Variants in MALRD1 observed in about 807,000 individuals in gnomAD.
MALRD1 encodes the protein MAM and LDL-receptor class A domain-containing protein 1.
In MALRD1, 247 loss-of-function variants were observed where a neutral mutation model predicts 242.1. That is an observed-to-expected ratio of 1.02 (90% CI 0.92 to 1.13). The LOEUF (loss-of-function observed/expected upper bound fraction) is 1.13. Ranked by LOEUF, MALRD1 falls within the 50% of genes most tolerant of loss-of-function variation. The pLI is 0.00. For synonymous variants in MALRD1, 995 were observed against 866.6 expected, an observed-to-expected ratio of 1.15 and a Z score of -2.60; for missense variants, 2,989 against 2,533.1, an observed-to-expected ratio of 1.18 and a Z score of -3.86.
chr10:19,630,311 A>C (rs560470166), intron 36 of MALRD1, among the ~76,000 whole-genome samples: 2 of 152,126 alleles, frequency 1.3e-5, no homozygotes, highest in African/African-American at 2.4e-5. Flanking sequence ...ATCTCTTTCA[A>C]ATTTATTGTT....
intron 21 of MALRD1, among the ~76,000 whole-genome samples, chr10:19,293,112 T>G (rs1223356738): frequency 2.0e-5 from 3 of 152,132 alleles, no homozygotes; most frequent in Admixed American, 2.0e-4. Flanking sequence ...AAGCCAATAT[T>G]TTATAGGCCA....
At chr10:19,591,085 C>G (rs997287289) in intron 33 of MALRD1, among the ~76,000 whole-genome samples, 4 of 152,176 alleles carry the variant, frequency 2.6e-5, no homozygotes, top group Non-Finnish European at 4.4e-5. Flanking sequence ...CCCCATAATT[C>G]CTGGCAGATA....
At chr10:19,550,261 G>A (rs2131403824) in intron 32 of MALRD1, among the ~76,000 whole-genome samples, 1 of 152,096 alleles carries the variant, frequency 6.6e-6, no homozygotes, top group Admixed American at 6.6e-5. Flanking sequence ...TTTACAACAT[G>A]TCCTAGATTA....
intron 35 of MALRD1, among the ~76,000 whole-genome samples, chr10:19,613,064 T>C (rs1372655244): frequency 6.6e-6 from 1 of 152,066 alleles, no homozygotes; most frequent in East Asian, 1.9e-4. Context: ...TCCTTCATGA[T>C]TATCATCATT....
intron 28 of MALRD1, among the ~76,000 whole-genome samples, chr10:19,416,627 A>G (rs1056335544): frequency 2.0e-5 from 3 of 151,944 alleles, no homozygotes; most frequent in African/African-American, 4.8e-5. Flanking sequence ...TATCTCATAC[A>G]GTACCTCTCT....
chr10:19,201,968 A>G (rs1378091854), intron 14 of MALRD1, among the ~76,000 whole-genome samples: 1 of 151,920 alleles, frequency 6.6e-6, no homozygotes, highest in Non-Finnish European at 1.5e-5. Context: ...GATGCATGCC[A>G]CCCTGCCCAG....
At chr10:19,246,991 A>G (rs1314421201) in intron 18 of MALRD1, among the ~76,000 whole-genome samples, 2 of 152,020 alleles carry the variant, frequency 1.3e-5, no homozygotes, top group Non-Finnish European at 2.9e-5. Context: ...CAAAAATCCC[A>G]TTATACAAAT....
chr10:19,518,293 T>G (rs1314888891), intron 31 of MALRD1, among the ~76,000 whole-genome samples: 6 of 152,238 alleles, frequency 3.9e-5, no homozygotes, highest in African/African-American at 1.4e-4. Flanking sequence ...TTTAACAACA[T>G]TAACATGGCA....
At chr10:19,456,290 T>G (rs1031867180) in intron 29 of MALRD1, among the ~76,000 whole-genome samples, 1 of 152,214 alleles carries the variant, frequency 6.6e-6, no homozygotes, top group East Asian at 1.9e-4. Context: ...GTCTTAGGTG[T>G]TGTCTTCAAA....
At chr10:19,408,959 A>G (rs1564315480) in intron 28 of MALRD1, among the ~76,000 whole-genome samples, 1 of 152,340 alleles carries the variant, frequency 6.6e-6, no homozygotes, top group East Asian at 1.9e-4. Flanking sequence ...ATCCCAGAGA[A>G]ATGAAGACTT....
intron 26 of MALRD1, among the ~76,000 whole-genome samples, chr10:19,365,818 T>G (rs1845085864): frequency 6.6e-6 from 1 of 152,132 alleles, no homozygotes; most frequent in Non-Finnish European, 1.5e-5. Flanking sequence ...CAGACCAGTA[T>G]AAATTCAACT....
chr10:19,178,884 C>T (rs1044072204), intron 14 of MALRD1, among the ~76,000 whole-genome samples: 1 of 152,172 alleles, frequency 6.6e-6, no homozygotes, highest in Non-Finnish European at 1.5e-5. Context: ...CATATTTACT[C>T]TCTGAACGTA....
rs1843009475 is a variant in MALRD1 at position 19,323,993 on chromosome 10, G to A, written c.3464G>A (p.Gly1155Glu). Residue 1155 changes from glycine to glutamate, a missense_variant, in exon 22 of 40, where the codon GGG (glycine) becomes GAG (glutamate). By Grantham distance (98) the Gly-to-Glu change is moderately conservative (BLOSUM62 -2). Coordinates refer to ENST00000454679, the MANE Select transcript of MALRD1 (RefSeq NM_001142308.3). ...GWYLYADSSN[G>E]KFGDTADILT... ...TACCTGTATGCTGACAGTTCTAATG[G>A]GAAATTTGGTGACACGGCTGACATT... is the stretch of plus-strand genomic sequence containing the variant. 6.4e-7 allele frequency: 1 copy of A among 1,550,702 alleles called. No homozygotes were observed. The highest frequency in any genetic ancestry group is 1.2e-5 in the South Asian group (1 of 84,062).
intron 36 of MALRD1, among the ~76,000 whole-genome samples, chr10:19,689,897 A>G (rs1177672422): frequency 6.6e-6 from 1 of 152,102 alleles, no homozygotes; most frequent in Non-Finnish European, 1.5e-5. Flanking sequence ...ACTGACTAAA[A>G]TTTTTGGAAT....
At chr10:19,467,125 C>A (rs1836251377) in intron 29 of MALRD1, among the ~76,000 whole-genome samples, 1 of 151,910 alleles carries the variant, frequency 6.6e-6, no homozygotes, top group South Asian at 2.1e-4. Context: ...GAGGCTGAGG[C>A]AGGTGAATCA....
chr10:19,096,501 A>C (rs1036494796), intron 4 of MALRD1, among the ~76,000 whole-genome samples: 2 of 152,220 alleles, frequency 1.3e-5, no homozygotes, highest in African/African-American at 4.8e-5. Flanking sequence ...CTTCGGCTAC[A>C]CCAGCCTTTT....
intron 2 of MALRD1, among the ~76,000 whole-genome samples, chr10:19,071,972 C>G (rs915092021): frequency 6.6e-6 from 1 of 152,104 alleles, no homozygotes; most frequent in African/African-American, 2.4e-5. Flanking sequence ...TAAAAGTGAA[C>G]AAGAATGCAG....
chr10:19,439,185 T>G (rs1834496467), intron 28 of MALRD1, among the ~76,000 whole-genome samples: 1 of 152,172 alleles, frequency 6.6e-6, no homozygotes, highest in Non-Finnish European at 1.5e-5. Context: ...CATTATTATG[T>G]TCATTGTTAA....
At chr10:19,098,948 G>A (rs577028663) in intron 4 of MALRD1, among the ~76,000 whole-genome samples, 1 of 152,244 alleles carries the variant, frequency 6.6e-6, no homozygotes, top group East Asian at 1.9e-4. Context: ...TTTGCATAAG[G>A]CACAAAAAAC....
Sources: gnomAD v4.1 joint callset for allele counts (sites outside exome capture counted in the v4.1 genomes callset) on GRCh38, gnomAD v4.1.1 for gene constraint, MANE v1.5 for transcripts, NCBI Gene and HGNC (gene_info 2026-07-23, HGNC 2026-07-21) for gene names.